NOL4: variants seen among roughly 807,000 people sequenced by gnomAD.
The protein encoded by NOL4 is nucleolar protein 4, also known as cancer/testis antigen 125.
Under a neutral mutation model 75.9 loss-of-function variants are expected in NOL4, and 17 were observed. The observed-to-expected ratio is 0.22, with a 90% CI of 0.15 to 0.34. The LOEUF (loss-of-function observed/expected upper bound fraction) is 0.34. Among genes scored for constraint, NOL4 ranks in the 10% least tolerant of loss-of-function variants. NOL4 has a pLI of 1.00. For synonymous variants in NOL4, 292 were observed against 289.9 expected, an observed-to-expected ratio of 1.01 and a Z score of -0.07; for missense variants, 614 against 793.5, an observed-to-expected ratio of 0.77 and a Z score of 2.72.
At chr18:34,128,626 G>A (rs1467678757) in intron 2 of NOL4, among the ~76,000 whole-genome samples, 1 of 151,802 alleles carries the variant, frequency 6.6e-6, no homozygotes, top group Non-Finnish European at 1.5e-5. Flanking sequence ...AGTTTATGTG[G>A]CAGATTTATG....
chr18:34,218,040 T>A (rs2037033393), intron 1 of NOL4, among the ~76,000 whole-genome samples: 1 of 151,872 alleles, frequency 6.6e-6, no homozygotes, highest in Non-Finnish European at 1.5e-5. Flanking sequence ...ATATAAAGAT[T>A]GTAAAAATGA....
chr18:34,136,522 T>A (rs1240576816), intron 1 of NOL4, among the ~76,000 whole-genome samples: 3 of 152,156 alleles, frequency 2.0e-5, no homozygotes, highest in Admixed American at 6.6e-5. Context: ...AAATCAATTG[T>A]AGTTTTTATT....
intron 1 of NOL4, among the ~76,000 whole-genome samples, chr18:34,172,200 A>G (rs1343293798): frequency 6.6e-6 from 1 of 152,170 alleles, no homozygotes; most frequent in Non-Finnish European, 1.5e-5. Context: ...TATCACTTGC[A>G]GCATTATTTA....
At chr18:34,003,242 A>G (rs999608877) in intron 6 of NOL4, among the ~76,000 whole-genome samples, 3 of 152,142 alleles carry the variant, frequency 2.0e-5, no homozygotes, top group East Asian at 1.9e-4. Context: ...TATGCTGCCT[A>G]GTGAGTATCT....
chr18:34,038,245 G>A (rs576891784), intron 5 of NOL4, among the ~76,000 whole-genome samples: 27 of 152,076 alleles, frequency 1.8e-4, no homozygotes, highest in Admixed American at 1.4e-3. Context: ...TGTAAGAAAT[G>A]TTGGCAAGGA....
At chr18:34,173,101 A>G (rs1201022604) in intron 1 of NOL4, among the ~76,000 whole-genome samples, 1 of 152,104 alleles carries the variant, frequency 6.6e-6, no homozygotes, top group Non-Finnish European at 1.5e-5. Context: ...TTGCAACAAC[A>G]TGGATGAGCC....
At chr18:33,993,484 G>A (rs1264040002) in intron 6 of NOL4, among the ~76,000 whole-genome samples, 3 of 151,914 alleles carry the variant, frequency 2.0e-5, no homozygotes, top group Non-Finnish European at 4.4e-5. Flanking sequence ...CAAACCCTGT[G>A]TTGGGGGTTA....
In NOL4 at chr18:34,224,544, T is replaced by A. The variant is rs1300509125; in HGVS notation, c.-1291A>T. 6.6e-6 allele frequency: 1 copy of A among 152,038 alleles called. No individual in the cohort carries two copies. The highest frequency in any genetic ancestry group is 1.5e-5 in the Non-Finnish European group (1 of 68,088). The allele number at this position is 152,038 out of a possible 1,614,324, so 9.4% of individuals were successfully genotyped here. On this transcript the variant is annotated 5_prime_UTR_variant, in exon 1 of 11. Transcript: ENST00000261592. ...CGCGGCGGCTGCGGCCGCTCCTCTT[T>A]ATTCTACTCTCACCCGAGGCCCGCG...
At chr18:33,868,540 C>T (rs1264933870) in intron 10 of NOL4, among the ~76,000 whole-genome samples, 2 of 151,922 alleles carry the variant, frequency 1.3e-5, no homozygotes, top group African/African-American at 4.8e-5. Flanking sequence ...ATTACTAAGA[C>T]ATGTTCACTA....
chr18:33,967,078 A>C (rs566479403), intron 6 of NOL4, among the ~76,000 whole-genome samples: 2 of 152,168 alleles, frequency 1.3e-5, no homozygotes, highest in African/African-American at 4.8e-5. Flanking sequence ...TTCAAACTAC[A>C]CTACAAGGAT....
chr18:34,002,128 C>T (rs1325681635), intron 6 of NOL4, among the ~76,000 whole-genome samples: 1 of 152,068 alleles, frequency 6.6e-6, no homozygotes, highest in Non-Finnish European at 1.5e-5. Flanking sequence ...TTGGCTCATC[C>T]AGTTCTCAAC....
intron 6 of NOL4, among the ~76,000 whole-genome samples, chr18:34,001,347 C>T (rs1706915631): frequency 6.6e-6 from 1 of 152,148 alleles, no homozygotes; most frequent in African/African-American, 2.4e-5. Flanking sequence ...CTACGCAATT[C>T]CAAACTACAT....
chr18:34,072,624 A>G (rs1171220561), intron 5 of NOL4, among the ~76,000 whole-genome samples: 1 of 152,190 alleles, frequency 6.6e-6, no homozygotes, highest in Admixed American at 6.5e-5. Flanking sequence ...AGAATACCAC[A>G]CAAAACAACT....
At chr18:34,143,803 T>TGCAGTGA (rs2146021632) in intron 1 of NOL4, among the ~76,000 whole-genome samples, 1 of 145,000 alleles carries the variant, frequency 6.9e-6, no homozygotes, top group East Asian at 2.0e-4. Flanking sequence ...GAGTGGAGGT[T>TGCAGTGA]GCAGTGAGCC....
intron 5 of NOL4, among the ~76,000 whole-genome samples, chr18:34,055,526 T>C (rs927376459): frequency 2.0e-5 from 3 of 152,296 alleles, no homozygotes; most frequent in Middle Eastern, 3.4e-3. Flanking sequence ...CCCTTGCTGC[T>C]TTCACAACTC....
chr18:34,164,485 T>A (rs1336178438), intron 1 of NOL4, among the ~76,000 whole-genome samples: 3 of 151,918 alleles, frequency 2.0e-5, no homozygotes, highest in Non-Finnish European at 4.4e-5. Context: ...AAAAAACACA[T>A]GAAAAAATGC....
chr18:33,885,518 T>C (rs182328255), intron 9 of NOL4, among the ~76,000 whole-genome samples: 90 of 152,150 alleles, frequency 5.9e-4, no homozygotes, highest in African/African-American at 1.9e-3. Context: ...AAGAGTTGAA[T>C]AGACATTTCT....
chr18:33,851,571 C>A lies in NOL4; in HGVS notation c.*1271G>T, dbSNP rs2062635947. 1 of 152,318 alleles carries A rather than the reference C, an allele frequency of 6.6e-6. No homozygotes were observed. Among genetic ancestry groups the A allele is most frequent in the Non-Finnish European group, 1.5e-5 (1 of 67,946 alleles). The allele number at this position is 152,318 out of a possible 1,614,324, so 9.4% of individuals were successfully genotyped here. A position where few individuals can be genotyped will look rare whatever the true frequency, so the allele number is the denominator to read the frequency against. The stretch of plus-strand genomic sequence containing the variant: ...AATTTGTAATCCAACCAAAGCTAAA[C>A]AACAGAAAAAAGTTGTATAAGAAGC... On this transcript the variant is annotated 3_prime_UTR_variant, in exon 11 of 11. Coordinates refer to ENST00000261592, the MANE Select transcript of NOL4 (RefSeq NM_003787.5).
chr18:33,878,268 C>T (rs2064049270), intron 10 of NOL4, among the ~76,000 whole-genome samples: 1 of 152,088 alleles, frequency 6.6e-6, no homozygotes, highest in African/African-American at 2.4e-5. Flanking sequence ...CTCTTTTCTT[C>T]TCAAAATACT....
Sources: gnomAD v4.1 joint callset for allele counts (sites outside exome capture counted in the v4.1 genomes callset) on GRCh38, gnomAD v4.1.1 for gene constraint, MANE v1.5 for transcripts, NCBI Gene and HGNC (gene_info 2026-07-23, HGNC 2026-07-21) for gene names.